Variants in IGF2BP3 observed in about 807,000 individuals in gnomAD.
IGF2BP3 encodes the protein insulin like growth factor 2 mRNA binding protein 3.
Under a neutral mutation model 73.8 loss-of-function variants are expected in IGF2BP3, and 9 were observed. The ratio of observed to expected loss-of-function variants is 0.12; its 90% CI spans 0.07 to 0.21. The LOEUF is 0.21. Ranked by LOEUF, IGF2BP3 falls within the 10% of genes least tolerant of loss-of-function variation. IGF2BP3 has a pLI of 1.00. For missense variants in IGF2BP3, 542 were observed against 714.0 expected (o/e 0.76, Z 2.75); for synonymous variants, 258 against 256.7 (o/e 1.01, Z -0.05).
At chr7:23,314,472 C>T (rs1783923083) in intron 12 of IGF2BP3, among the ~76,000 whole-genome samples, 1 of 151,984 alleles carries the variant, frequency 6.6e-6, no homozygotes, top group Admixed American at 6.6e-5. Flanking sequence ...CAGGTGTGAG[C>T]CACTGCGCCA....
At chr7:23,420,443 A>T (rs972467874) in intron 2 of IGF2BP3, among the ~76,000 whole-genome samples, 1 of 152,210 alleles carries the variant, frequency 6.6e-6, no homozygotes, top group African/African-American at 2.4e-5. Context: ...GCACCACTGC[A>T]ATCCAGCCTG....
At chr7:23,442,993 T>C (rs1204421817) in intron 2 of IGF2BP3, among the ~76,000 whole-genome samples, 1 of 152,144 alleles carries the variant, frequency 6.6e-6, no homozygotes, top group East Asian at 1.9e-4. Flanking sequence ...TAAATTATAC[T>C]GTTATTAAAC....
At chr7:23,401,978 A>C (rs535507277) in intron 3 of IGF2BP3, among the ~76,000 whole-genome samples, 2 of 151,394 alleles carry the variant, frequency 1.3e-5, no homozygotes, top group African/African-American at 4.8e-5. Context: ...TTAGCCAGGC[A>C]TGGTGGCGTG....
intron 2 of IGF2BP3, among the ~76,000 whole-genome samples, chr7:23,467,130 T>C (rs913695460): frequency 6.6e-6 from 1 of 152,168 alleles, no homozygotes; most frequent in East Asian, 1.9e-4. Flanking sequence ...TAGAACTAAA[T>C]CTATCAGGTC....
chr7:23,387,342 A>G (rs1786116237), intron 3 of IGF2BP3, among the ~76,000 whole-genome samples: 1 of 152,226 alleles, frequency 6.6e-6, no homozygotes, highest in South Asian at 2.1e-4. Flanking sequence ...AGAGTTTAGG[A>G]AACTGTCACA....
intron 3 of IGF2BP3, chr7:23,415,179 G>GT (rs1787149017): frequency 4.5e-6 from 1 of 223,014 alleles, no homozygotes; most frequent in Non-Finnish European, 9.0e-6. Context: ...GGTCCCGTCC[G>GT]TCAGTCGGCT....
intron 12 of IGF2BP3, among the ~76,000 whole-genome samples, chr7:23,315,394 C>T (rs1783957516): frequency 6.6e-6 from 1 of 152,176 alleles, no homozygotes; most frequent in Admixed American, 6.5e-5. Flanking sequence ...AAGCGTGGGC[C>T]ACCGCGCCTG....
intron 10 of IGF2BP3, among the ~76,000 whole-genome samples, chr7:23,331,170 T>A (rs570424928): frequency 6.6e-6 from 1 of 152,334 alleles, no homozygotes; most frequent in East Asian, 1.9e-4. Flanking sequence ...AATAAATTTA[T>A]TGACCATAAA....
At chr7:23,466,454 G>A (rs1231832328) in intron 2 of IGF2BP3, among the ~76,000 whole-genome samples, 1 of 152,180 alleles carries the variant, frequency 6.6e-6, no homozygotes, top group African/African-American at 2.4e-5. Flanking sequence ...AAAATCCTGA[G>A]CATTTTAATG....
intron 10 of IGF2BP3, among the ~76,000 whole-genome samples, chr7:23,324,981 A>C (rs1234012215): frequency 1.3e-5 from 2 of 150,232 alleles, no homozygotes; most frequent in African/African-American, 2.5e-5. Context: ...AATGGGCAAA[A>C]ACTGGAAGCA....
At chr7:23,396,646 A>C (rs1786483163) in intron 3 of IGF2BP3, 1 of 152,192 alleles carries the variant, frequency 6.6e-6, no homozygotes, top group South Asian at 2.1e-4. Flanking sequence ...AGGGCTAAAT[A>C]ATTGGTGAGA....
chr7:23,342,081 G>A lies in IGF2BP3; in HGVS notation c.1186C>T (p.Pro396Ser). ...TSGPPSAMTP[P>S]YPQFEQSETE... ...TATCTTACCTCAAACTGCGGGTAGG[G>A]AGGAGTCATGGCTGAAGGGGGCCCT... Residue 396 changes from proline (P) to serine (S), a missense_variant, in exon 10 of 15, where the codon CCC (proline) becomes TCC (serine). Physicochemically the swap from Pro to Ser is moderately conservative, Grantham distance 74 (BLOSUM62 -1). This residue lies in a region of IGF2BP3 where 303 missense variants were observed against 472.1 expected (regional missense o/e 0.64). Coordinates refer to ENST00000258729, the MANE Select transcript of IGF2BP3 (RefSeq NM_006547.3). 6.3e-7 allele frequency: 1 copy of A among 1,588,108 alleles called. No individual in the cohort carries two copies. The highest frequency in any genetic ancestry group is 8.5e-7 in the Non-Finnish European group (1 of 1,171,944).
chr7:23,315,619 T>C (rs550992418), intron 12 of IGF2BP3, among the ~76,000 whole-genome samples: 7 of 152,162 alleles, frequency 4.6e-5, no homozygotes, highest in South Asian at 2.1e-4. Flanking sequence ...TTTAGGGCAC[T>C]ACCGACAAAA....
chr7:23,464,121 G>A (rs1268248769), intron 2 of IGF2BP3, among the ~76,000 whole-genome samples: 6 of 152,188 alleles, frequency 3.9e-5, no homozygotes, highest in Admixed American at 1.3e-4. Context: ...TGAAGTCGGA[G>A]GCAGCATTGA....
intron 3 of IGF2BP3, among the ~76,000 whole-genome samples, chr7:23,394,857 G>A (rs1786398357): frequency 6.6e-6 from 1 of 152,192 alleles, no homozygotes; most frequent in Non-Finnish European, 1.5e-5. Context: ...GTCCTTTATG[G>A]GAAAGATACC....
At chr7:23,456,921 C>A (rs574055251) in intron 2 of IGF2BP3, among the ~76,000 whole-genome samples, 1 of 152,058 alleles carries the variant, frequency 6.6e-6, no homozygotes, top group Non-Finnish European at 1.5e-5. Context: ...TAGTGGCACG[C>A]GCCCATAGTC....
chr7:23,319,315 C>T, intron 10 of IGF2BP3, 61 bp from the exon 11 acceptor site: 2 of 1,117,062 alleles, frequency 1.8e-6, no homozygotes, highest in East Asian at 2.4e-5. Flanking sequence ...CTTTTGTTAA[C>T]ATTAGCTTTA....
At chr7:23,449,668 G>A (rs111796240) in intron 2 of IGF2BP3, among the ~76,000 whole-genome samples, 62 of 146,542 alleles carry the variant, frequency 4.2e-4, no homozygotes, top group African/African-American at 1.6e-3. Context: ...AGGGATTCTC[G>A]TGCCTCAGCC....
chr7:23,461,924 T>C (rs1788458363), intron 2 of IGF2BP3, among the ~76,000 whole-genome samples: 1 of 152,200 alleles, frequency 6.6e-6, no homozygotes, highest in South Asian at 2.1e-4. Flanking sequence ...GTGACAGAAG[T>C]AATGTGCCAA....
Sources: gnomAD v4.1 joint callset for allele counts (sites outside exome capture counted in the v4.1 genomes callset) on GRCh38, gnomAD v4.1.1 for gene constraint, gnomAD v4.1.1 regional missense constraint, MANE v1.5 for transcripts, NCBI Gene and HGNC (gene_info 2026-07-23, HGNC 2026-07-21) for gene names.